BMP7: variants seen among roughly 807,000 people sequenced by gnomAD.
The protein encoded by BMP7 is osteogenic protein 1.
In BMP7, 12 loss-of-function variants were observed where a neutral mutation model predicts 41.2. The observed-to-expected ratio is 0.29, with a 90% CI of 0.19 to 0.47. The LOEUF is 0.47. Among genes scored for constraint, BMP7 ranks in the 20% least tolerant of loss-of-function variants. The pLI is 0.99. For missense variants in BMP7, 467 were observed against 606.0 expected, an observed-to-expected ratio of 0.77 and a Z score of 2.41; for synonymous variants, 248 against 250.0, an observed-to-expected ratio of 0.99 and a Z score of 0.07.
At chr20:57,252,718 C>T (rs1478504441) in intron 1 of BMP7, among the ~76,000 whole-genome samples, 1 of 152,154 alleles carries the variant, frequency 6.6e-6, no homozygotes. Flanking sequence ...CTTCTTTCAG[C>T]CAGAAAATAA....
In BMP7 at chr20:57,214,270, G is replaced by A. The variant is rs1315365177; in HGVS notation, c.612-11647C>T. ...GGGAGAGCTACCACCCAGAGAACCCGGGGGTTCCCCTTCCACTCTTCTCAC... is the reference window on the plus strand; with the variant it reads ...GGGAGAGCTACCACCCAGAGAACCCAGGGGTTCCCCTTCCACTCTTCTCAC... On this transcript the variant is annotated intron_variant, in intron 2 of 6. Transcript: ENST00000395863. This position sits in a 1 kb window ranked among gnomAD's most constrained non-coding sequence, Gnocchi z 4.0. Among the ~76,000 whole-genome samples, 2 of 152,110 alleles carry A rather than the reference G, an allele frequency of 1.3e-5. No homozygotes were observed. Among genetic ancestry groups the A allele is most frequent in the East Asian group, 1.9e-4 (1 of 5,184 alleles).
chr20:57,263,012 C>G (rs2066159903), intron 1 of BMP7, among the ~76,000 whole-genome samples: 1 of 152,214 alleles, frequency 6.6e-6, no homozygotes. Flanking sequence ...ATAGAAGGGA[C>G]AGGCCATTTA....
chr20:57,204,978 G>A (rs1330392543), intron 2 of BMP7, among the ~76,000 whole-genome samples: 1 of 152,182 alleles, frequency 6.6e-6, no homozygotes, highest in Admixed American at 6.5e-5. Flanking sequence ...GTTTGAGGGA[G>A]AAAGTCTGGA....
At position 57,176,750 on chromosome 20, in the gene BMP7, T is replaced by TCACACACACACACACACACA. The variant is rs60465573; in HGVS notation, c.959-1763_959-1744dup. 5.8e-4 allele frequency among the ~76,000 whole-genome samples: 78 copies of TCACACACACACACACACACA among 135,506 alleles called. 1 individual carries two copies. Among genetic ancestry groups the TCACACACACACACACACACA allele is most frequent in the African/African-American group, 1.3e-3 (46 of 35,822 alleles). The allele number at this position is 135,506 out of a possible 152,430, so 88.9% of individuals were successfully genotyped here. ...ATTTGAAACTACGCACATTCTCCAT[T>TCACACACACACACACACACA]CACACACACACACACACACACACAC... On this transcript the variant is annotated intron_variant, in intron 4 of 6. Coordinates refer to ENST00000395863, the MANE Select transcript of BMP7 (RefSeq NM_001719.3).
intron 2 of BMP7, among the ~76,000 whole-genome samples, chr20:57,222,854 AGAAGC>A (rs1985221671): frequency 4.8e-5 from 1 of 20,674 alleles, no homozygotes; most frequent in African/African-American, 6.0e-4. Context: ...GGAAGCTTCC[AGAAGC>A]TTCCAGAAGC....
intron 2 of BMP7, among the ~76,000 whole-genome samples, chr20:57,226,724 A>G (rs558563660): frequency 6.6e-6 from 1 of 152,236 alleles, no homozygotes; most frequent in East Asian, 1.9e-4. Flanking sequence ...AACTGGCATC[A>G]GGGACCACCT....
chr20:57,229,892 G>A (rs1568723367), intron 1 of BMP7, among the ~76,000 whole-genome samples: 2 of 152,134 alleles, frequency 1.3e-5, no homozygotes, highest in South Asian at 2.1e-4. Flanking sequence ...AAAACAATCT[G>A]GTTTAAACCT....
intron 4 of BMP7, among the ~76,000 whole-genome samples, chr20:57,179,565 C>G (rs1055543242): frequency 2.6e-5 from 4 of 152,216 alleles, no homozygotes; most frequent in Non-Finnish European, 5.9e-5. Flanking sequence ...GCGAGCTCCG[C>G]GTGGGGTAGC....
At chr20:57,257,405 T>A (rs531821994) in intron 1 of BMP7, among the ~76,000 whole-genome samples, 1 of 152,140 alleles carries the variant, frequency 6.6e-6, no homozygotes, top group Non-Finnish European at 1.5e-5. Flanking sequence ...ATTAAATGTA[T>A]ATTGTTAATT....
At chr20:57,191,201 T>C (rs764516794) in intron 3 of BMP7, among the ~76,000 whole-genome samples, 1 of 152,154 alleles carries the variant, frequency 6.6e-6, no homozygotes, top group Non-Finnish European at 1.5e-5. Context: ...AGGTGCATCA[T>C]GAAGCATCAA....
In BMP7 at chr20:57,200,979, C is replaced by T. The variant is rs554219079; in HGVS notation, c.760+1496G>A. Among the ~76,000 whole-genome samples the T allele has an allele frequency of 2.1e-3, 316 of 152,210 alleles. 2 individuals are homozygous for T. The highest frequency in any genetic ancestry group is 6.4e-3 in the African/African-American group (265 of 41,514). On this transcript the variant is annotated intron_variant, in intron 3 of 6. Coordinates refer to ENST00000395863, the MANE Select transcript of BMP7 (RefSeq NM_001719.3). ...ATGTCAGTTTTGGTGATCATGATGA[C>T]GAGGATGATGACTGCTCTCCTTTAC... is the stretch of plus-strand genomic sequence containing the variant.
intron 2 of BMP7, among the ~76,000 whole-genome samples, 200 bp from the exon 3 acceptor site, chr20:57,202,823 C>A (rs1413818734): frequency 6.6e-6 from 1 of 152,106 alleles, no homozygotes; most frequent in Non-Finnish European, 1.5e-5. Context: ...TGCAGAAGAG[C>A]TACAAAGAGA....
intron 2 of BMP7, among the ~76,000 whole-genome samples, chr20:57,204,775 T>A (rs994284020): frequency 6.6e-6 from 1 of 152,062 alleles, no homozygotes; most frequent in African/African-American, 2.4e-5. Flanking sequence ...CACCTCAAAG[T>A]CTCCTTTTTA....
At chr20:57,251,523 G>T (rs1018981939) in intron 1 of BMP7, among the ~76,000 whole-genome samples, 53 of 152,170 alleles carry the variant, frequency 3.5e-4, no homozygotes, top group African/African-American at 1.2e-3. Flanking sequence ...TCTTCCGAGG[G>T]GACATCCTTT....
intron 3 of BMP7, among the ~76,000 whole-genome samples, chr20:57,200,743 C>G (rs924830462): frequency 6.6e-6 from 1 of 152,096 alleles, no homozygotes; most frequent in East Asian, 1.9e-4. Flanking sequence ...TATAGTGAAT[C>G]GAGATCGTGC....
rs116720786 is a variant in BMP7, at chr20:57,202,517, G to A, written c.718C>T (p.Arg240Trp). ...ATSNHWVVNPRHNLGLQLSVE... is the reference protein window; with the variant it reads ...ATSNHWVVNPWHNLGLQLSVE... ...GAGAGCTGCAGGCCCAGGTTGTGCC[G>A]CGGATTGACCACCCAGTGGTTGCTG... is the stretch of plus-strand genomic sequence containing the variant. The change falls in exon 3 of 7, where the codon CGG becomes TGG. Residue 240 changes from arginine (R) to tryptophan (W), a missense_variant. By Grantham distance (101) the Arg-to-Trp change is moderately radical. Transcript: ENST00000395863. 5.3e-5 allele frequency: 86 copies of A among 1,609,684 alleles called. 1 individual carries two copies. In the African/African-American group the frequency reaches 7.3e-4, roughly 14 times the overall value.
intron 3 of BMP7, among the ~76,000 whole-genome samples, chr20:57,187,854 A>G (rs1435479416): frequency 1.3e-5 from 2 of 152,218 alleles, no homozygotes; most frequent in Non-Finnish European, 2.9e-5. Flanking sequence ...GACAGGGAGC[A>G]TGGTGCCAGC....
At position 57,186,006 on chromosome 20, in the gene BMP7, A is replaced by G. The variant is rs766254695; in HGVS notation, c.761-2087T>C. On this transcript the variant is annotated intron_variant, in intron 3 of 6. Coordinates refer to ENST00000395863, the MANE Select transcript of BMP7 (RefSeq NM_001719.3). Reference sequence around the variant, plus strand: ...GGGCAGAGCTTTGCATACCCTAAGTACTCAATAAATGCTAGCTCAGGACAG... The same window carrying G: ...GGGCAGAGCTTTGCATACCCTAAGTGCTCAATAAATGCTAGCTCAGGACAG... Among the ~76,000 whole-genome samples, 323 of 144,660 alleles carry G rather than the reference A, an allele frequency of 2.2e-3. 1 individual carries two copies. The highest frequency in any genetic ancestry group is 7.5e-3 in the Middle Eastern group (2 of 268). The allele number at this position is 144,660 out of a possible 152,430, so 94.9% of individuals were successfully genotyped here.
At chr20:57,262,192 G>A (rs760488071) in intron 1 of BMP7, among the ~76,000 whole-genome samples, 11 of 152,240 alleles carry the variant, frequency 7.2e-5, no homozygotes, top group Non-Finnish European at 1.3e-4. Flanking sequence ...ACGGGCTATG[G>A]CTAGATGCAG....
Sources: gnomAD v4.1 joint callset for allele counts (sites outside exome capture counted in the v4.1 genomes callset) on GRCh38, gnomAD v4.1.1 for gene constraint, Gnocchi (gnomAD v3.1) non-coding constraint, MANE v1.5 for transcripts, NCBI Gene and HGNC (gene_info 2026-07-23, HGNC 2026-07-21) for gene names.